BCL2L14: variants seen among roughly 807,000 people sequenced by gnomAD.
BCL2L14 encodes apoptosis facilitator Bcl-2-like protein 14.
In BCL2L14, 27 loss-of-function variants were observed where a neutral mutation model predicts 35.3. That is an observed-to-expected ratio of 0.76 (90% CI 0.56 to 1.05). The LOEUF is 1.05. BCL2L14 is among the 50% of genes least tolerant of loss of function. The probability of loss-of-function intolerance (pLI) is 0.00; values close to 1 mark genes in which losing one functional copy is unlikely to be tolerated. For synonymous variants in BCL2L14, 139 were observed against 145.9 expected, an observed-to-expected ratio of 0.95 and a Z score of 0.34; for missense variants, 377 against 382.6, an observed-to-expected ratio of 0.99 and a Z score of 0.12.
chr12:12,073,157 G>A (rs1490720537), intron 1 of BCL2L14, among the ~76,000 whole-genome samples: 1 of 152,226 alleles, frequency 6.6e-6, no homozygotes, highest in Non-Finnish European at 1.5e-5. Flanking sequence ...TTACAGGCGT[G>A]AGCCACTGGG....
intron 1 of BCL2L14, among the ~76,000 whole-genome samples, chr12:12,050,238 T>C (rs1481083318): frequency 6.6e-6 from 1 of 152,042 alleles, no homozygotes; most frequent in Non-Finnish European, 1.5e-5. Context: ...CCACGACTAA[T>C]GCCCTGGCAT....
At chr12:12,095,287 G>C in intron 5 of BCL2L14, 1 of 985,366 alleles carries the variant, frequency 1.0e-6, no homozygotes, top group Non-Finnish European at 1.2e-6. Flanking sequence ...GACAAGGGCA[G>C]GCAGACAGTT....
At chr12:12,084,814 G>A (rs1422061122) in intron 2 of BCL2L14, among the ~76,000 whole-genome samples, 1 of 152,154 alleles carries the variant, frequency 6.6e-6, no homozygotes, top group African/African-American at 2.4e-5. Context: ...ATACCCTGCT[G>A]TAACCCCAGC....
At position 12,079,775 on chromosome 12, in the gene BCL2L14, G is replaced by A. The variant is rs115986051; in HGVS notation, c.433+37G>A. The stretch of plus-strand genomic sequence containing the variant: ...GGATTTCTTTCTCTCCCGCTTCCTG[G>A]TTTTTCCCTTCTTTGTGTCCAGAGT... On this transcript the variant is annotated intron_variant, in intron 2 of 5. Transcript: ENST00000308721. 750 of 1,589,054 alleles carry A rather than the reference G, an allele frequency of 4.7e-4. 2 individuals are homozygous for A. The African/African-American group carries it at 9.0e-3, about 19-fold the overall frequency.
At chr12:12,069,100 G>T (rs2448063), upstream of BCL2L14, among the ~76,000 whole-genome samples, 43,206 of 152,028 alleles carry the variant, frequency 0.28, 6,425 homozygotes, top group East Asian at 0.48. Flanking sequence ...AATGAGCTGT[G>T]AGGACGACCG....
intron 2 of BCL2L14, chr12:12,054,947 C>CAAAA (rs33941702): frequency 1.5e-5 from 2 of 135,712 alleles, no homozygotes; most frequent in Non-Finnish European, 3.1e-5. Flanking sequence ...GACTCCATCT[C>CAAAA]AAAAAAAAAA....
chr12:12,097,436 A>C (rs2448030), intron 5 of BCL2L14, among the ~76,000 whole-genome samples: 35,217 of 152,196 alleles, frequency 0.23, 4,488 homozygotes, highest in East Asian at 0.37. Flanking sequence ...AGTCAGGCAA[A>C]AAGGCCATAT....
chr12:12,081,381 G>A (rs902354643), intron 2 of BCL2L14, among the ~76,000 whole-genome samples: 2 of 151,442 alleles, frequency 1.3e-5, no homozygotes, highest in African/African-American at 2.4e-5. Context: ...CTTGAGCTCA[G>A]GAGGTCAAGG....
intron 1 of BCL2L14, among the ~76,000 whole-genome samples, chr12:12,075,772 C>G (rs1948768241): frequency 6.6e-6 from 1 of 152,086 alleles, no homozygotes; most frequent in Non-Finnish European, 1.5e-5. Flanking sequence ...TCTCTGTCTT[C>G]ACCTTTTTTT....
intron 2 of BCL2L14, among the ~76,000 whole-genome samples, chr12:12,083,762 T>C (rs1213812060): frequency 1.3e-5 from 2 of 152,008 alleles, no homozygotes; most frequent in Non-Finnish European, 2.9e-5. Context: ...CTGAGCAACA[T>C]GACAAAACCC....
At chr12:12,073,172 G>A (rs1262153465) in intron 1 of BCL2L14, among the ~76,000 whole-genome samples, 1 of 152,200 alleles carries the variant, frequency 6.6e-6, no homozygotes, top group East Asian at 1.9e-4. Context: ...ACTGGGTCCG[G>A]CATCTACATT....
At chr12:12,096,639 G>A (rs1349678651) in intron 5 of BCL2L14, among the ~76,000 whole-genome samples, 2 of 152,222 alleles carry the variant, frequency 1.3e-5, no homozygotes, top group East Asian at 3.8e-4. Context: ...AAAGACGCTT[G>A]TTTGACATCT....
intron 2 of BCL2L14, among the ~76,000 whole-genome samples, chr12:12,057,533 G>A (rs1422108310): frequency 4.0e-5 from 6 of 151,868 alleles, no homozygotes; most frequent in African/African-American, 1.5e-4. Context: ...CGAGGCGGGT[G>A]GATCACCTGA....
intron 5 of BCL2L14, chr12:12,096,184 T>C (rs1949308303): frequency 2.1e-6 from 2 of 969,406 alleles, no homozygotes; most frequent in Non-Finnish European, 2.5e-6. Context: ...CCCAATTGAC[T>C]ATGTTTCAAG....
intron 5 of BCL2L14, chr12:12,095,849 T>G (rs1268066708): frequency 2.1e-5 from 21 of 985,282 alleles, no homozygotes; most frequent in Non-Finnish European, 2.4e-5. Flanking sequence ...GCCACGGTCT[T>G]CAGTTTCTGT....
intron 5 of BCL2L14, among the ~76,000 whole-genome samples, chr12:12,097,016 T>C (rs137879261): frequency 0.012 from 1,898 of 152,178 alleles, 38 homozygotes; most frequent in African/African-American, 0.043. Flanking sequence ...TGGTGGCAGG[T>C]GCCTGTAGTC....
intron 2 of BCL2L14, among the ~76,000 whole-genome samples, chr12:12,059,836 C>T (rs1948494479): frequency 6.6e-6 from 1 of 152,128 alleles, no homozygotes; most frequent in African/African-American, 2.4e-5. Flanking sequence ...AGCCAGAAAA[C>T]AGCACTTTCA....
intron 1 of BCL2L14, among the ~76,000 whole-genome samples, chr12:12,077,414 A>G (rs1948805390): frequency 6.6e-6 from 1 of 151,794 alleles, no homozygotes; most frequent in Non-Finnish European, 1.5e-5. Context: ...GTGTGGTGGC[A>G]TGTGCCTGTG....
chr12:12,077,909 C>T (rs951367585), intron 1 of BCL2L14: 2 of 399,534 alleles, frequency 5.0e-6, no homozygotes, highest in Admixed American at 3.0e-5. Context: ...TAACAGACAG[C>T]AGAAGGAAAC....
Sources: gnomAD v4.1 joint callset for allele counts (sites outside exome capture counted in the v4.1 genomes callset) on GRCh38, gnomAD v4.1.1 for gene constraint, MANE v1.5 for transcripts, NCBI Gene and HGNC (gene_info 2026-07-23, HGNC 2026-07-21) for gene names.